APC: variants seen among roughly 807,000 people sequenced by gnomAD.
The protein encoded by APC is APC regulator of Wnt signaling pathway, also known as adenomatous polyposis coli protein.
A neutral mutation model predicts 247.0 loss-of-function variants in APC; 72 were observed. That is an observed-to-expected ratio of 0.29 (90% CI 0.24 to 0.35). APC has a LOEUF of 0.35. APC is among the 10% of genes least tolerant of loss of function. The pLI, the probability that APC is intolerant of heterozygous loss-of-function variation, is 1.00. For missense variants in APC, 3,400 were observed against 3,360.7 expected, an observed-to-expected ratio of 1.01 and a Z score of -0.29; for synonymous variants, 1,254 against 1,162.5, an observed-to-expected ratio of 1.08 and a Z score of -1.60.
rs536225490 is a variant in APC, at chr5:112,826,788, T to G, written c.1409-320T>G. On this transcript the variant is annotated intron_variant, in intron 11 of 15. Transcript: ENST00000257430. Reference sequence around the variant, plus strand: ...TCTGCTTATGTTCACGAAGAACTAGTGTTAGAAAATAGCCTTCTTCACTGT... The same window carrying G: ...TCTGCTTATGTTCACGAAGAACTAGGGTTAGAAAATAGCCTTCTTCACTGT... 1.1e-4 allele frequency among the ~76,000 whole-genome samples: 16 copies of G among 152,232 alleles called. No individual in the cohort carries two copies. Among genetic ancestry groups the G allele is most frequent in the Non-Finnish European group, 2.1e-4 (14 of 68,010 alleles).
At chr5:112,744,124 G>C (rs904122549) in intron 1 of APC, among the ~76,000 whole-genome samples, 9 of 152,052 alleles carry the variant, frequency 5.9e-5, no homozygotes, top group Non-Finnish European at 1.3e-4. Context: ...TTACAGGTGT[G>C]AGCCACTGTG....
At chr5:112,777,129 A>G (rs1267412122) in intron 5 of APC, among the ~76,000 whole-genome samples, 2 of 152,224 alleles carry the variant, frequency 1.3e-5, no homozygotes, top group Non-Finnish European at 2.9e-5. Context: ...AAATTTTTCA[A>G]TTTAACTTGA....
Position 112,771,075 on chromosome 5 carries a change from T to G in APC, c.422+3685T>G, listed in dbSNP as rs528119639. ...TTGATGTGAAATAAGTGGGTTTTTT[T>G]AGGACTCTGTAGTCGTTGGACACTG... On this transcript the variant is annotated intron_variant, in intron 4 of 15. Coordinates refer to ENST00000257430, the MANE Select transcript of APC (RefSeq NM_000038.6). 2.0e-5 allele frequency among the ~76,000 whole-genome samples: 3 copies of G among 152,254 alleles called. No individual in the cohort carries two copies. In the South Asian group the frequency reaches 6.2e-4, roughly 32 times the overall value.
chr5:112,707,725 C>G, exon 1 of APC: 1 of 1,370,670 alleles, frequency 7.3e-7, no homozygotes, highest in East Asian at 3.4e-5. Flanking sequence ...CCTATGTACG[C>G]CTCCCTGGGC....
rs2149892145 is a variant in APC at position 112,839,042 on chromosome 5, G to A, written c.3448G>A (p.Glu1150Lys). Residue 1150 changes from glutamate to lysine, a missense_variant, in exon 16 of 16, where the codon GAA (glutamate) becomes AAA (lysine). Glu to Lys is a moderately conservative substitution (Grantham distance 56). This residue lies in a region of APC where 715 missense variants were observed against 656.6 expected (regional missense o/e 1.09). Transcript: ENST00000257430. This position sits in a 1 kb window ranked among gnomAD's most constrained non-coding sequence, Gnocchi z 5.0. ...CAATTATAGTGAACGTTACTCTGAAGAAGAACAGCATGAAGAAGAAGAGAG... is the reference window on the plus strand; with the variant it reads ...CAATTATAGTGAACGTTACTCTGAAAAAGAACAGCATGAAGAAGAAGAGAG... ...PTNYSERYSE[E>K]EQHEEEERPT... The A allele has an allele frequency of 6.2e-7, 1 of 1,614,024 alleles. No individual in the cohort carries two copies. The highest frequency in any genetic ancestry group is 8.5e-7 in the Non-Finnish European group (1 of 1,180,000).
chr5:112,813,994 C>T (rs775376443), intron 8 of APC, among the ~76,000 whole-genome samples: 6 of 152,118 alleles, frequency 3.9e-5, no homozygotes, highest in East Asian at 1.9e-4. Context: ...GACATTCTTA[C>T]GGATTTTACT....
At chr5:112,765,478 G>A (rs1023346798) in intron 2 of APC, among the ~76,000 whole-genome samples, 18 of 152,022 alleles carry the variant, frequency 1.2e-4, no homozygotes, top group African/African-American at 4.3e-4. Context: ...TTTTTGACAG[G>A]TTTTCCTTTT....
In APC at chr5:112,840,795, A is replaced by G. The variant is rs1204161988; in HGVS notation, c.5201A>G (p.Lys1734Arg). ...GAATGCATTAATTCTGCTATGCCCA[A>G]AGGGAAAAGTCACAAGCCTTTCCGT... ...LAECINSAMP[K>R]GKSHKPFRVK... The change falls in exon 16 of 16, where the codon AAA becomes AGA. Residue 1734 changes from lysine to arginine, a missense_variant. Lys to Arg is a conservative substitution (Grantham distance 26). Around this residue, in one of 9 missense-constraint regions of APC, gnomAD observed 1,788 missense variants for 1,649.5 expected, o/e 1.08. Coordinates refer to ENST00000257430, the MANE Select transcript of APC (RefSeq NM_000038.6). The surrounding 1 kb of genome is among the most constrained non-coding windows in gnomAD (Gnocchi z 4.1). The G allele has an allele frequency of 1.9e-6, 3 of 1,614,106 alleles. No homozygotes were observed. Among genetic ancestry groups the G allele is most frequent in the East Asian group, 2.2e-5 (1 of 44,886 alleles).
intron 2 of APC, among the ~76,000 whole-genome samples, chr5:112,763,081 ATTGT>A (rs1487151786): frequency 3.9e-5 from 6 of 152,196 alleles, no homozygotes; most frequent in African/African-American, 1.2e-4. Context: ...CTTTTTAAAA[ATTGT>A]TTGACCTTAA....
At chr5:112,723,431 C>A (rs1330282420) in intron 1 of APC, among the ~76,000 whole-genome samples, 1 of 151,796 alleles carries the variant, frequency 6.6e-6, no homozygotes, top group African/African-American at 2.4e-5. Context: ...CACTGCACTC[C>A]AGCCTGGGGT....
At chr5:112,837,258 T>C (rs1448991334) in intron 15 of APC, among the ~76,000 whole-genome samples, 2 of 152,260 alleles carry the variant, frequency 1.3e-5, no homozygotes, top group African/African-American at 2.4e-5. Flanking sequence ...GAAACTGTTA[T>C]ATGAATAGAG....
intron 12 of APC, 140 bp downstream of exon 12, chr5:112,827,387 G>C: frequency 1.0e-6 from 1 of 977,002 alleles, no homozygotes; most frequent in Non-Finnish European, 1.6e-6. Context: ...CTTCACATTC[G>C]CTTATCTTTA....
rs786202324 is a variant in APC, at chr5:112,840,057, T to C, written c.4463T>C (p.Leu1488Ser). ...RVQVLPDADT[L>S]LHFATESTPD... Reference sequence around the variant, plus strand: ...CAGGTTCTTCCAGATGCTGATACTTTATTACATTTTGCCACGGAAAGTACT... The same window carrying C: ...CAGGTTCTTCCAGATGCTGATACTTCATTACATTTTGCCACGGAAAGTACT... Residue 1488 changes from leucine (L) to serine (S), a missense_variant, in exon 16 of 16, where the codon TTA becomes TCA. By Grantham distance (145) the Leu-to-Ser change is moderately radical. Transcript: ENST00000257430. This position sits in a 1 kb window ranked among gnomAD's most constrained non-coding sequence, Gnocchi z 4.1. 9 of 1,614,092 alleles carry C rather than the reference T, an allele frequency of 5.6e-6. No homozygotes were observed. Among genetic ancestry groups the C allele is most frequent in the Non-Finnish European group, 7.6e-6 (9 of 1,180,000 alleles).
intron 2 of APC, among the ~76,000 whole-genome samples, chr5:112,762,387 T>C (rs1004744036): frequency 6.6e-6 from 1 of 152,196 alleles, no homozygotes; most frequent in Admixed American, 6.5e-5. Context: ...GGTACAAGAA[T>C]GTTCATAGTG....
intron 1 of APC, among the ~76,000 whole-genome samples, chr5:112,714,730 C>G (rs897325154): frequency 6.6e-6 from 1 of 152,134 alleles, no homozygotes; most frequent in African/African-American, 2.4e-5. Context: ...ACATCTATCC[C>G]TAAAAAGTTT....
intron 1 of APC, among the ~76,000 whole-genome samples, chr5:112,713,969 T>C (rs1353493503): frequency 6.6e-6 from 1 of 152,340 alleles, no homozygotes; most frequent in South Asian, 2.1e-4. Context: ...ATACGTAAGA[T>C]TTTGACTGAA....
Position 112,766,412 on chromosome 5 carries a change from T to C in APC, c.220+2T>C, listed in dbSNP as rs587781809. ...TTGATTTATTAGAGCGTCTTAAAGGTAGATTTTAAAAAGGTGTTTTAAAAT... is the reference window on the plus strand; with the variant it reads ...TTGATTTATTAGAGCGTCTTAAAGGCAGATTTTAAAAAGGTGTTTTAAAAT... On this transcript the variant is annotated splice_donor_variant, in intron 3 of 15. Coordinates refer to ENST00000257430, the MANE Select transcript of APC (RefSeq NM_000038.6). LOFTEE classifies it high-confidence loss of function. The C allele has an allele frequency of 6.2e-7, 1 of 1,603,318 alleles. No individual in the cohort carries two copies. Among genetic ancestry groups the C allele is most frequent in the Non-Finnish European group, 8.5e-7 (1 of 1,170,420 alleles).
At chr5:112,834,125 A>G (rs1561566354) in intron 14 of APC, among the ~76,000 whole-genome samples, 1 of 150,866 alleles carries the variant, frequency 6.6e-6, no homozygotes, top group Non-Finnish European at 1.5e-5. Flanking sequence ...TATTTTTTGT[A>G]CAGACGGGAT....
At chr5:112,743,697 A>T (rs866454008) in intron 1 of APC, among the ~76,000 whole-genome samples, 93 of 152,252 alleles carry the variant, frequency 6.1e-4, no homozygotes, top group African/African-American at 2.1e-3. Context: ...TTCTCTTTGT[A>T]TCTTTTAGAC....
Sources: allele counts gnomAD v4.1 joint callset (sites outside exome capture counted in the v4.1 genomes callset), GRCh38; gene constraint gnomAD v4.1.1; regional missense constraint gnomAD v4.1.1; non-coding constraint Gnocchi (gnomAD v3.1); transcripts MANE v1.5; gene names NCBI Gene and HGNC (gene_info 2026-07-23, HGNC 2026-07-21).